RABGAP1L: variants seen among roughly 807,000 people sequenced by gnomAD.
RABGAP1L encodes the protein rab GTPase-activating protein 1-like.
A neutral mutation model predicts 137.7 loss-of-function variants in RABGAP1L; 63 were observed. The observed-to-expected ratio is 0.46, with a 90% confidence interval of 0.37 to 0.56. The LOEUF is 0.56. RABGAP1L is among the 20% of genes least tolerant of loss of function. The pLI is 0.00. For synonymous variants in RABGAP1L, 431 were observed against 433.7 expected (o/e 0.99, Z 0.08); for missense variants, 1,095 against 1,244.0 (o/e 0.88, Z 1.80).
intron 17 of RABGAP1L, among the ~76,000 whole-genome samples, chr1:174,702,973 A>G (rs565653321): frequency 2.0e-5 from 3 of 152,166 alleles, no homozygotes; most frequent in Non-Finnish European, 1.5e-5. Flanking sequence ...TATATTTTCA[A>G]TGGCAGTATA....
At chr1:174,817,718 TG>T (rs1690584403) in intron 19 of RABGAP1L, among the ~76,000 whole-genome samples, 1 of 152,196 alleles carries the variant, frequency 6.6e-6, no homozygotes, top group Non-Finnish European at 1.5e-5. Context: ...TGTGTGGGAA[TG>T]GATTGAAAGG....
intron 14 of RABGAP1L, among the ~76,000 whole-genome samples, chr1:174,656,830 T>TCTAC (rs1676009347): frequency 6.6e-6 from 1 of 152,178 alleles, no homozygotes; most frequent in Non-Finnish European, 1.5e-5. Flanking sequence ...AACCAGTAAG[T>TCTAC]CTACCAGTCT....
At chr1:174,670,550 A>G (rs115697417) in intron 14 of RABGAP1L, among the ~76,000 whole-genome samples, 11,977 of 152,094 alleles carry the variant, frequency 0.079, 656 homozygotes, top group East Asian at 0.32. Context: ...TCTCCCAACA[A>G]CTACCCTTTT....
intron 19 of RABGAP1L, among the ~76,000 whole-genome samples, chr1:174,895,774 A>C (rs1431978943): frequency 3.3e-5 from 5 of 152,094 alleles, no homozygotes; most frequent in Admixed American, 6.6e-5. Flanking sequence ...ACATGAACTC[A>C]TCCTTTTTTG....
At chr1:174,907,786 G>A (rs1659356107) in intron 19 of RABGAP1L, among the ~76,000 whole-genome samples, 1 of 152,062 alleles carries the variant, frequency 6.6e-6, no homozygotes, top group African/African-American at 2.4e-5. Flanking sequence ...CACAAGACAG[G>A]CAACAAGTGG....
chr1:174,820,685 T>C (rs529526619), intron 19 of RABGAP1L, among the ~76,000 whole-genome samples: 1 of 152,220 alleles, frequency 6.6e-6, no homozygotes, highest in South Asian at 2.1e-4. Flanking sequence ...AAAAGCATCT[T>C]TTTCTCAAAA....
intron 18 of RABGAP1L, among the ~76,000 whole-genome samples, chr1:174,769,768 G>T (rs1471521832): frequency 6.6e-6 from 1 of 152,062 alleles, no homozygotes; most frequent in Admixed American, 6.5e-5. Flanking sequence ...CAGGAGAATG[G>T]TGTGAACCCA....
chr1:174,561,294 A>C (rs1667195176), intron 13 of RABGAP1L, among the ~76,000 whole-genome samples: 1 of 152,162 alleles, frequency 6.6e-6, no homozygotes. Context: ...TAGGAATAAA[A>C]CTTACAGGGA....
intron 3 of RABGAP1L, among the ~76,000 whole-genome samples, chr1:174,224,238 G>A (rs902027058): frequency 6.6e-6 from 1 of 152,158 alleles, no homozygotes; most frequent in Non-Finnish European, 1.5e-5. Context: ...CACTTTGGGA[G>A]GCCAAGGTGG....
In RABGAP1L at chr1:174,551,021, T is replaced by TAC. The variant is rs1377725516; in HGVS notation, c.1711-86352_1711-86351dup. 6.8e-4 allele frequency among the ~76,000 whole-genome samples: 84 copies of TAC among 122,794 alleles called. 4 individuals carry two copies. Among genetic ancestry groups the TAC allele is most frequent in the Middle Eastern group, 3.9e-3 (1 of 254 alleles). The allele number at this position is 122,794 out of a possible 152,430, so 80.6% of individuals were successfully genotyped here. A position where few individuals can be genotyped will look rare whatever the true frequency, so the allele number is the denominator to read the frequency against. ...ACACATATATATATATATATATATA[T>TAC]ACATACACACACACACATATATATA... On this transcript the variant is annotated intron_variant, in intron 13 of 25. Transcript: ENST00000681986.
At chr1:174,262,995 T>A (rs1476529557) in intron 7 of RABGAP1L, among the ~76,000 whole-genome samples, 1 of 152,248 alleles carries the variant, frequency 6.6e-6, no homozygotes, top group Non-Finnish European at 1.5e-5. Flanking sequence ...CTTTTGCTGA[T>A]GTTTGGTTCA....
chr1:174,771,795 A>G (rs754845059), intron 18 of RABGAP1L, among the ~76,000 whole-genome samples: 5 of 152,264 alleles, frequency 3.3e-5, no homozygotes, highest in Non-Finnish European at 5.9e-5. Context: ...ACAGTTTGTA[A>G]TGAGCTCTCA....
At chr1:174,386,740 C>T (rs1472081056) in intron 12 of RABGAP1L, among the ~76,000 whole-genome samples, 1 of 152,056 alleles carries the variant, frequency 6.6e-6, no homozygotes, top group Non-Finnish European at 1.5e-5. Context: ...AACTCCTGAC[C>T]TCATGATCTG....
Position 174,601,961 on chromosome 1 carries a change from GC to G in RABGAP1L, c.1711-35412del, listed in dbSNP as rs1397398911. ...CTCATCTCTACCTGAGACCACGTAA[GC>G]CTGGACCTTATTGTCCATATCACTC... On this transcript the variant is annotated intron_variant, in intron 13 of 25. Coordinates refer to ENST00000681986, the MANE Select transcript of RABGAP1L (RefSeq NM_001366446.1). Among the ~76,000 whole-genome samples the G allele has an allele frequency of 1.3e-5, 2 of 152,080 alleles. 1 individual carries two copies. The highest frequency in any genetic ancestry group is 2.9e-5 in the Non-Finnish European group (2 of 68,030).
chr1:174,919,719 C>T (rs1357207646), intron 19 of RABGAP1L, among the ~76,000 whole-genome samples: 1 of 151,980 alleles, frequency 6.6e-6, no homozygotes, highest in Non-Finnish European at 1.5e-5. Context: ...TATCTGGGCA[C>T]AGTGGTTATG....
rs1482180094 is a variant in RABGAP1L, at chr1:174,315,483, C to T, written c.1465+10356C>T. Among the ~76,000 whole-genome samples the T allele has an allele frequency of 2.6e-5, 4 of 152,064 alleles. No individual in the cohort carries two copies. In the East Asian group the frequency reaches 7.7e-4, roughly 29 times the overall value. ...TGTCTTTTGATTGGAGAGTTTAGTC[C>T]ATTTACATTCATTGTTATCATTTCT... On this transcript the variant is annotated intron_variant, in intron 11 of 25. Transcript: ENST00000681986.
intron 13 of RABGAP1L, among the ~76,000 whole-genome samples, chr1:174,482,346 C>A (rs1659188446): frequency 1.3e-5 from 2 of 152,130 alleles, no homozygotes; most frequent in African/African-American, 2.4e-5. Context: ...AAATAAAACT[C>A]ATTATTCCAA....
intron 14 of RABGAP1L, among the ~76,000 whole-genome samples, chr1:174,673,271 CATTCATT>C (rs1158898970): frequency 5.9e-5 from 9 of 152,160 alleles, no homozygotes. Flanking sequence ...GGTCATTTCA[CATTCATT>C]AGATAACGAT....
intron 13 of RABGAP1L, among the ~76,000 whole-genome samples, chr1:174,551,296 G>A (rs908786455): frequency 4.0e-5 from 6 of 151,404 alleles, no homozygotes; most frequent in African/African-American, 1.5e-4. Flanking sequence ...TCCCATCCTG[G>A]GCCATTAAAC....
Sources: gnomAD v4.1 joint callset for allele counts (sites outside exome capture counted in the v4.1 genomes callset) on GRCh38, gnomAD v4.1.1 for gene constraint, MANE v1.5 for transcripts, NCBI Gene and HGNC (gene_info 2026-07-23, HGNC 2026-07-21) for gene names.